DYNC2H1: variants seen among roughly 807,000 people sequenced by gnomAD.
DYNC2H1 encodes dynein cytoplasmic 2 heavy chain 1, also known as cytoplasmic dynein 2 heavy chain 1.
In DYNC2H1, 410 loss-of-function variants were observed where a neutral mutation model predicts 570.0. That is an observed-to-expected ratio of 0.72 (90% CI 0.66 to 0.78). The LOEUF (loss-of-function observed/expected upper bound fraction) is 0.78, where lower values mean the gene tolerates loss of function less well. Ranked by LOEUF, DYNC2H1 falls within the 30% of genes least tolerant of loss-of-function variation. The pLI, the probability that DYNC2H1 is intolerant of heterozygous loss-of-function variation, is 0.00. For missense variants in DYNC2H1, 4,865 were observed against 5,046.4 expected (o/e 0.96, Z 1.09); for synonymous variants, 1,688 against 1,677.6 (o/e 1.01, Z -0.15).
Position 103,304,628 on chromosome 11 carries a change from A to G in DYNC2H1, c.11290A>G (p.Ile3764Val). ...AMGQGQADLAIQMLKECARNG... is the reference protein window; with the variant it reads ...AMGQGQADLAVQMLKECARNG... ...GGGTCAAGGTCAAGCTGATTTAGCA[A>G]TTCAAATGCTAAAAGAATGTGCCCG... The change falls in exon 77 of 89, where the codon ATT becomes GTT. Residue 3764 changes from isoleucine (I) to valine (V), a missense_variant. Transcript: ENST00000375735. 6.2e-7 allele frequency: 1 copy of G among 1,613,320 alleles called. No individual in the cohort carries two copies. Among genetic ancestry groups the G allele is most frequent in the Non-Finnish European group, 8.5e-7 (1 of 1,179,492 alleles).
intron 67 of DYNC2H1, 104 bp downstream of exon 67, chr11:103,255,638 C>A: frequency 8.3e-7 from 1 of 1,198,394 alleles, no homozygotes; most frequent in Non-Finnish European, 1.1e-6. Context: ...ATTTTTTTTT[C>A]CAAAGACATA....
intron 84 of DYNC2H1, 32 bp from the exon 85 acceptor site, chr11:103,435,911 C>G (rs370233200): frequency 6.2e-7 from 1 of 1,603,594 alleles, no homozygotes; most frequent in Non-Finnish European, 8.5e-7. Flanking sequence ...ATCATATACA[C>G]AAACTTAATT....
chr11:103,464,144 A>G (rs1453071440), intron 87 of DYNC2H1, among the ~76,000 whole-genome samples: 1 of 152,230 alleles, frequency 6.6e-6, no homozygotes. Flanking sequence ...CTGACAAAAA[A>G]GTTAACTATT....
In DYNC2H1 at chr11:103,349,783, T is replaced by A. The variant is rs185703138; in HGVS notation, c.12040-8460T>A. Among the ~76,000 whole-genome samples, 32 of 152,278 alleles carry A rather than the reference T, an allele frequency of 2.1e-4. No homozygotes were observed. In the East Asian group the frequency reaches 5.8e-3, roughly 28 times the overall value. On this transcript the variant is annotated intron_variant, in intron 82 of 88. Transcript: ENST00000375735. ...GTCATATTACCTTGAAAAATGATGATGTGAGTTCTTAACATGGTAGGGGTG... is the reference window on the plus strand; with the variant it reads ...GTCATATTACCTTGAAAAATGATGAAGTGAGTTCTTAACATGGTAGGGGTG...
chr11:103,135,639 G>C lies in DYNC2H1; in HGVS notation c.2345+5G>C. 6.2e-7 allele frequency: 1 copy of C among 1,610,148 alleles called. No individual in the cohort carries two copies. The highest frequency in any genetic ancestry group is 8.5e-7 in the Non-Finnish European group (1 of 1,178,892). ...AAATATAGACTTAACTTACAAGTAAGATGTTTTTTCAACCCCAATTTAATG... is the reference window on the plus strand; with the variant it reads ...AAATATAGACTTAACTTACAAGTAACATGTTTTTTCAACCCCAATTTAATG... On this transcript the variant is annotated splice_donor_5th_base_variant and intron_variant, in intron 16 of 88. Coordinates refer to ENST00000375735, the MANE Select transcript of DYNC2H1 (RefSeq NM_001377.3).
chr11:103,290,207 CAATTT>C (rs1866538649), intron 75 of DYNC2H1, among the ~76,000 whole-genome samples: 10 of 152,162 alleles, frequency 6.6e-5, no homozygotes, highest in Admixed American at 4.6e-4. Context: ...GGGGGAGACA[CAATTT>C]AACCCATAAC....
chr11:103,201,727 G>C lies in DYNC2H1; in HGVS notation c.8197+1573G>C, dbSNP rs1417791667. The stretch of plus-strand genomic sequence containing the variant: ...ACCTGACCTTTTTGGTGTCTTCCTG[G>C]GGAGGACACTTGCGAATTCCTATAT... On this transcript the variant is annotated intron_variant, in intron 50 of 88. Coordinates refer to ENST00000375735, the MANE Select transcript of DYNC2H1 (RefSeq NM_001377.3). The surrounding 1 kb of genome is among the most constrained non-coding windows in gnomAD (Gnocchi z 4.8). Among the ~76,000 whole-genome samples the C allele has an allele frequency of 6.6e-6, 1 of 151,972 alleles. No homozygotes were observed. Among genetic ancestry groups the C allele is most frequent in the African/African-American group, 2.4e-5 (1 of 41,366 alleles).
At position 103,156,805 on chromosome 11, in the gene DYNC2H1, G is replaced by A. The variant is rs1591331950; in HGVS notation, c.4127+35G>A. On this transcript the variant is annotated intron_variant, in intron 26 of 88. Coordinates refer to ENST00000375735, the MANE Select transcript of DYNC2H1 (RefSeq NM_001377.3). Reference sequence around the variant, plus strand: ...ATGATGTAAGACATAGACACATATGGTATTTTTTTTAAATTAATTCATATT... The same window carrying A: ...ATGATGTAAGACATAGACACATATGATATTTTTTTTAAATTAATTCATATT... The A allele has an allele frequency of 1.7e-5, 27 of 1,573,218 alleles. No homozygotes were observed. In the East Asian group the frequency reaches 6.0e-4, roughly 35 times the overall value.
At chr11:103,345,294 G>C (rs199633361) in intron 82 of DYNC2H1, among the ~76,000 whole-genome samples, 1 of 149,126 alleles carries the variant, frequency 6.7e-6, no homozygotes. Flanking sequence ...TTTTTTTTTG[G>C]CTATTGAAAC....
chr11:103,320,009 A>T (rs757726856), intron 80 of DYNC2H1, among the ~76,000 whole-genome samples: 2 of 152,228 alleles, frequency 1.3e-5, no homozygotes, highest in South Asian at 2.1e-4. Flanking sequence ...AATTTTTGTC[A>T]TATCTCTAAA....
rs1031398643 is a variant in DYNC2H1 at position 103,145,557 on chromosome 11, GA to G, written c.2702+2171del. 1.3e-5 allele frequency among the ~76,000 whole-genome samples: 2 copies of G among 148,918 alleles called. No individual in the cohort carries two copies. Among genetic ancestry groups the G allele is most frequent in the Admixed American group, 6.7e-5 (1 of 14,964 alleles). ...TTCCTATTTATGATCCTTGCCAAAA[GA>G]AAAAAAAATAAAAACAACAATGCCT... is the stretch of plus-strand genomic sequence containing the variant. On this transcript the variant is annotated intron_variant, in intron 18 of 88. Coordinates refer to ENST00000375735, the MANE Select transcript of DYNC2H1 (RefSeq NM_001377.3). The surrounding 1 kb of genome is among the most constrained non-coding windows in gnomAD (Gnocchi z 4.2).
chr11:103,392,173 G>A (rs895892398), intron 83 of DYNC2H1, among the ~76,000 whole-genome samples: 2 of 152,206 alleles, frequency 1.3e-5, no homozygotes, highest in Admixed American at 1.3e-4. Context: ...CGGCCACTTT[G>A]TTTACCTACT....
chr11:103,176,417 G>A lies in DYNC2H1; in HGVS notation c.5857G>A (p.Glu1953Lys). 1.9e-6 allele frequency: 3 copies of A among 1,539,850 alleles called. No homozygotes were observed. The highest frequency in any genetic ancestry group is 2.6e-6 in the Non-Finnish European group (3 of 1,148,380). ...GCAGGTCTTTGAAGAGGCCAATTAT[G>A]AAATTATACCCAATCAGGTAACTGT... ...LKQVFEEANY[E>K]IIPNQIKKAL... Residue 1953 changes from glutamate to lysine, a missense_variant, in exon 37 of 89, where the codon GAA becomes AAA. By Grantham distance (56) the Glu-to-Lys change is moderately conservative. This residue lies in a region of DYNC2H1 where 292 missense variants were observed against 300.2 expected (regional missense o/e 0.97). Transcript: ENST00000375735.
chr11:103,450,047 G>T (rs1345117699), intron 85 of DYNC2H1, among the ~76,000 whole-genome samples: 2 of 152,058 alleles, frequency 1.3e-5, no homozygotes, highest in African/African-American at 4.8e-5. Context: ...AAAGAAAGCT[G>T]GTGTAGCTAT....
intron 6 of DYNC2H1, among the ~76,000 whole-genome samples, chr11:103,118,102 A>C (rs1281299881): frequency 6.6e-6 from 1 of 152,132 alleles, no homozygotes; most frequent in East Asian, 1.9e-4. Context: ...AAAGATAATC[A>C]GCCCACTTGA....
chr11:103,194,789 C>T (rs574586983), intron 47 of DYNC2H1, among the ~76,000 whole-genome samples: 67 of 152,248 alleles, frequency 4.4e-4, no homozygotes, highest in Middle Eastern at 6.8e-3. Context: ...GTAATCTCTG[C>T]TCACTGCAAC....
chr11:103,155,903 G>A (rs554014152), intron 25 of DYNC2H1, among the ~76,000 whole-genome samples: 1 of 152,180 alleles, frequency 6.6e-6, no homozygotes, highest in Non-Finnish European at 1.5e-5. Flanking sequence ...TAATAACCCT[G>A]GAATGTTTTT....
chr11:103,471,821 G>T (rs1945399821), intron 88 of DYNC2H1, among the ~76,000 whole-genome samples: 1 of 152,096 alleles, frequency 6.6e-6, no homozygotes, highest in African/African-American at 2.4e-5. Context: ...CTACAGTTCG[G>T]AATCATTAGT....
chr11:103,436,051 C>T lies in DYNC2H1; in HGVS notation c.12456+19C>T. The T allele has an allele frequency of 2.5e-6, 4 of 1,607,386 alleles. No homozygotes were observed. The highest frequency in any genetic ancestry group is 2.6e-6 in the Non-Finnish European group (3 of 1,175,152). On this transcript the variant is annotated intron_variant, in intron 85 of 88. Coordinates refer to ENST00000375735, the MANE Select transcript of DYNC2H1 (RefSeq NM_001377.3). ...AATACAGGTATGCCTAAATTATTTA[C>T]TAAGTGGGTTGTCTGACTGTGTGAC...
Sources: allele counts gnomAD v4.1 joint callset (sites outside exome capture counted in the v4.1 genomes callset), GRCh38; gene constraint gnomAD v4.1.1; regional missense constraint gnomAD v4.1.1; non-coding constraint Gnocchi (gnomAD v3.1); transcripts MANE v1.5; gene names NCBI Gene and HGNC (gene_info 2026-07-23, HGNC 2026-07-21).